RDH8: variants seen among roughly 807,000 people sequenced by gnomAD.
RDH8 encodes the protein photoreceptor outer segment all-trans retinol dehydrogenase.
Under a neutral mutation model 22.3 loss-of-function variants are expected in RDH8, and 14 were observed. That is an observed-to-expected ratio of 0.63 (90% confidence interval 0.42 to 0.98). RDH8 has a LOEUF of 0.98. RDH8 is among the 50% of genes least tolerant of loss of function. RDH8 has a pLI of 0.00. For synonymous variants in RDH8, 175 were observed against 171.7 expected (o/e 1.02, Z -0.15); for missense variants, 389 against 409.8 (o/e 0.95, Z 0.44).
chr19:10,020,661 C>T, intron 3 of RDH8, 48 bp from the exon 4 acceptor site: 1 of 1,299,510 alleles, frequency 7.7e-7, no homozygotes, highest in Non-Finnish European at 1.1e-6. Flanking sequence ...ACCCACAAAG[C>T]CCACCTCCCA....
At chr19:10,017,267 G>C in intron 2 of RDH8, 52 bp downstream of exon 2, 1 of 1,471,704 alleles carries the variant, frequency 6.8e-7, no homozygotes, top group East Asian at 2.3e-5. Context: ...TCTGAGTATA[G>C]ACCCTCAATA....
At chr19:10,014,280 G>A (rs1329665265) in intron 1 of RDH8, among the ~76,000 whole-genome samples, 1 of 152,308 alleles carries the variant, frequency 6.6e-6, no homozygotes, top group East Asian at 1.9e-4. Flanking sequence ...AGTTGGCAGG[G>A]CTGCTTCTCC....
intron 1 of RDH8, among the ~76,000 whole-genome samples, chr19:10,014,593 G>A (rs368448956): frequency 6.6e-6 from 1 of 152,186 alleles, no homozygotes; most frequent in East Asian, 1.9e-4. Context: ...CAGGCTGAGT[G>A]CAGTGGTGCA....
intron 4 of RDH8, 55 bp from the exon 5 acceptor site, chr19:10,021,200 T>A: frequency 6.6e-7 from 1 of 1,525,690 alleles, no homozygotes; most frequent in Non-Finnish European, 8.9e-7. Context: ...ATGGACAAAA[T>A]AGGTCAGGGA....
At position 10,021,634 on chromosome 19, in the gene RDH8, G is replaced by A; in HGVS notation, c.821G>A (p.Gly274Asp). The change falls in exon 6 of 6, where the codon GGC becomes GAC. Residue 274 changes from glycine (G) to aspartate (D), a missense_variant. Coordinates refer to ENST00000591589, the MANE Select transcript of RDH8 (RefSeq NM_015725.4). ...ACGCTCAAAACCGTGGATTCCTCTGGCAGCCTGTATGTGCGAACGACCCAC... is the reference window on the plus strand; with the variant it reads ...ACGCTCAAAACCGTGGATTCCTCTGACAGCCTGTATGTGCGAACGACCCAC... ...LTTLKTVDSS[G>D]SLYVRTTHRL... is the part of the protein sequence containing the mutation. The A allele has an allele frequency of 1.2e-6, 2 of 1,613,650 alleles. No homozygotes were observed. Among genetic ancestry groups the A allele is most frequent in the Non-Finnish European group, 1.7e-6 (2 of 1,179,602 alleles).
rs1282637474 is a variant in RDH8, at chr19:10,021,898, G to A, written c.*149G>A. The stretch of plus-strand genomic sequence containing the variant: ...CCTAGACATGGCTAGAATCCCAGAA[G>A]GGCCTTTATTTTCAGGCATAGACTC... On this transcript the variant is annotated 3_prime_UTR_variant, in exon 6 of 6. Coordinates refer to ENST00000591589, the MANE Select transcript of RDH8 (RefSeq NM_015725.4). 3.0e-5 allele frequency: 25 copies of A among 842,482 alleles called. No homozygotes were observed. Among genetic ancestry groups the A allele is most frequent in the Non-Finnish European group, 4.2e-5 (23 of 551,996 alleles). 52.2% of individuals were successfully genotyped at this position (842,482 alleles called of 1,614,324 possible).
chr19:10,014,647 T>G (rs759258200), intron 1 of RDH8, among the ~76,000 whole-genome samples: 1 of 152,148 alleles, frequency 6.6e-6, no homozygotes, highest in Non-Finnish European at 1.5e-5. Context: ...CAAGTGATTT[T>G]CATGCCTTGA....
At chr19:10,019,870 G>T (rs1306431384) in intron 3 of RDH8, among the ~76,000 whole-genome samples, 2 of 152,008 alleles carry the variant, frequency 1.3e-5, no homozygotes, top group Non-Finnish European at 2.9e-5. Flanking sequence ...GCCAGATGTG[G>T]TGGTTCATGC....
chr19:10,014,932 C>A (rs757707614), intron 1 of RDH8, among the ~76,000 whole-genome samples: 2 of 152,162 alleles, frequency 1.3e-5, no homozygotes, highest in African/African-American at 2.4e-5. Context: ...GGGATTTGAA[C>A]TCAGGCAGCC....
In RDH8 at chr19:10,018,715, G is replaced by A. The variant is rs542910561; in HGVS notation, c.263-16G>A. The A allele has an allele frequency of 3.7e-5, 58 of 1,585,514 alleles. No homozygotes were observed. The South Asian group carries it at 5.8e-4, about 16-fold the overall frequency. On this transcript the variant is annotated splice_polypyrimidine_tract_variant and intron_variant, in intron 2 of 5. Transcript: ENST00000591589. Reference sequence around the variant, plus strand: ...GTGAGGGACTTTAAGGTAACCCTTAGTACCTCTTCTCTTAGTGAATAATGC... The same window carrying A: ...GTGAGGGACTTTAAGGTAACCCTTAATACCTCTTCTCTTAGTGAATAATGC...
chr19:10,020,382 AAG>A (rs1220938846), intron 3 of RDH8, among the ~76,000 whole-genome samples: 1 of 140,802 alleles, frequency 7.1e-6, no homozygotes, highest in Non-Finnish European at 1.5e-5. Context: ...GGGAGGGAGG[AAG>A]AGAGACAAGG....
chr19:10,015,965 AAT>A (rs905213490), intron 1 of RDH8, among the ~76,000 whole-genome samples: 171 of 149,676 alleles, frequency 1.1e-3, no homozygotes, highest in African/African-American at 4.1e-3. Flanking sequence ...TCAAAAAAAA[AAT>A]ATATATATAT....
chr19:10,016,845 T>A (rs2087621839), intron 1 of RDH8, among the ~76,000 whole-genome samples: 1 of 152,278 alleles, frequency 6.6e-6, no homozygotes, highest in African/African-American at 2.4e-5. Flanking sequence ...TCAATAAATG[T>A]CTGTTGAACT....
chr19:10,016,701 G>C (rs2087620402), intron 1 of RDH8, among the ~76,000 whole-genome samples: 1 of 150,110 alleles, frequency 6.7e-6, no homozygotes, highest in Non-Finnish European at 1.5e-5. Context: ...CAAACTCCTG[G>C]GGTCAAGCAA....
At chr19:10,015,473 T>A (rs2087605143) in intron 1 of RDH8, among the ~76,000 whole-genome samples, 1 of 150,868 alleles carries the variant, frequency 6.6e-6, no homozygotes, top group African/African-American at 2.4e-5. Context: ...TAAATAAATA[T>A]ACAAAAATTA....
intron 1 of RDH8, among the ~76,000 whole-genome samples, chr19:10,016,371 G>T (rs1199436297): frequency 6.7e-6 from 1 of 149,408 alleles, no homozygotes; most frequent in African/African-American, 2.5e-5. Flanking sequence ...TAGCCAGGAT[G>T]GTCTCGATCT....
rs779567742 is a variant in RDH8, at chr19:10,018,790, C to A, written c.322C>A (p.Gln108Lys). 4.3e-6 allele frequency: 7 copies of A among 1,613,858 alleles called. No individual in the cohort carries two copies. The highest frequency in any genetic ancestry group is 4.5e-5 in the East Asian group (2 of 44,892). Residue 108 changes from glutamine to lysine, a missense_variant, in exon 3 of 6, where the codon CAG (glutamine) becomes AAG (lysine). Coordinates refer to ENST00000591589, the MANE Select transcript of RDH8 (RefSeq NM_015725.4). ...PLEGLSLAAM[Q>K]NVFDTNFFGA... ...GGAGGGGCTCAGCCTTGCTGCCATG[C>A]AGAATGTCTTTGACACCAACTTTTT... is the stretch of plus-strand genomic sequence containing the variant.
At position 10,015,686 on chromosome 19, in the gene RDH8, A is replaced by G. The variant is rs373382917; in HGVS notation, c.104-1371A>G. ...AGGTGCTGTGGCTCTCTGGCTCCTC[A>G]CGCCTGTAATCCCAGCACTTTGGGA... On this transcript the variant is annotated intron_variant, in intron 1 of 5. Coordinates refer to ENST00000591589, the MANE Select transcript of RDH8 (RefSeq NM_015725.4). Among the ~76,000 whole-genome samples the G allele has an allele frequency of 1.2e-4, 18 of 151,286 alleles. No individual in the cohort carries two copies. The South Asian group carries it at 2.7e-3, about 23-fold the overall frequency.
rs368635677 is a variant in RDH8, at chr19:10,022,144, C to A, written c.*395C>A. Reference sequence around the variant, plus strand: ...CAGGAATGATTCATAGCCCACCCCCCACCTCCATGCATACACCAGAGCTCT... The same window carrying A: ...CAGGAATGATTCATAGCCCACCCCCAACCTCCATGCATACACCAGAGCTCT... On this transcript the variant is annotated 3_prime_UTR_variant, in exon 6 of 6. Transcript: ENST00000591589. The A allele has an allele frequency of 3.2e-5, 7 of 221,810 alleles. No individual in the cohort carries two copies. The highest frequency in any genetic ancestry group is 5.2e-5 in the Admixed American group (1 of 19,358). The allele number at this position is 221,810 out of a possible 1,614,324, so 13.7% of individuals were successfully genotyped here. A position where few individuals can be genotyped will look rare whatever the true frequency, so the allele number is the denominator to read the frequency against.
Sources: allele counts gnomAD v4.1 joint callset (sites outside exome capture counted in the v4.1 genomes callset), GRCh38; gene constraint gnomAD v4.1.1; transcripts MANE v1.5; gene names NCBI Gene and HGNC (gene_info 2026-07-23, HGNC 2026-07-21).